Variants in TECPR2 observed in about 807,000 individuals in gnomAD.
TECPR2 encodes the protein tectonin beta-propeller repeat containing 2, also known as tectonin beta-propeller repeat-containing protein 2.
TECPR2 carries 65 observed loss-of-function variants against 138.1 expected under a neutral mutation model. The ratio of observed to expected loss-of-function variants is 0.47; its 90% CI spans 0.39 to 0.58. TECPR2 has a LOEUF of 0.58. Among genes scored for constraint, TECPR2 ranks in the 20% least tolerant of loss-of-function variants. TECPR2 has a pLI of 0.00. For synonymous variants in TECPR2, 746 were observed against 749.8 expected, an observed-to-expected ratio of 0.99 and a Z score of 0.08; for missense variants, 1,553 against 1,824.5, an observed-to-expected ratio of 0.85 and a Z score of 2.71.
At chr14:102,461,830 A>G (rs939618968) in intron 16 of TECPR2, among the ~76,000 whole-genome samples, 5 of 152,314 alleles carry the variant, frequency 3.3e-5, no homozygotes, top group South Asian at 4.1e-4. Flanking sequence ...TGAGGGAGCC[A>G]TGGAGTGCTT....
intron 5 of TECPR2, 45 bp downstream of exon 5, chr14:102,414,838 G>A: frequency 6.2e-7 from 1 of 1,604,800 alleles, no homozygotes. Context: ...GCTGGGCCTT[G>A]TTGTAGAAGG....
chr14:102,438,096 C>G lies in TECPR2; in HGVS notation c.2469C>G (p.Ile823Met). The change falls in exon 10 of 20, where the codon ATC (isoleucine) becomes ATG (methionine). Residue 823 changes from isoleucine (I) to methionine (M), a missense_variant. Physicochemically the swap from Ile to Met is conservative, Grantham distance 10 (BLOSUM62 1). Coordinates refer to ENST00000359520, the MANE Select transcript of TECPR2 (RefSeq NM_014844.5). ...GCTTGGTGGTCTCCGAGAAGTATAT[C>G]TGGTGCCTGGACTACAAAGGCGGCC... Reference protein sequence around the residue: ...ILSLVVSEKYIWCLDYKGGLF... With the variant: ...ILSLVVSEKYMWCLDYKGGLF... 1.2e-6 allele frequency: 2 copies of G among 1,614,160 alleles called. No individual in the cohort carries two copies. Among genetic ancestry groups the G allele is most frequent in the Non-Finnish European group, 8.5e-7 (1 of 1,180,024 alleles).
intron 17 of TECPR2, among the ~76,000 whole-genome samples, chr14:102,495,929 G>T (rs1891268402): frequency 6.6e-6 from 1 of 152,270 alleles, no homozygotes; most frequent in Admixed American, 6.5e-5. Context: ...CACTGCCTGA[G>T]GGCCCTGAGA....
intron 4 of TECPR2, among the ~76,000 whole-genome samples, chr14:102,409,552 G>A (rs551699189): frequency 6.6e-6 from 1 of 152,292 alleles, no homozygotes; most frequent in African/African-American, 2.4e-5. Flanking sequence ...GCCTGCCTCG[G>A]CCTTCCAAAG....
At position 102,432,085 on chromosome 14, in the gene TECPR2, G is replaced by A. The variant is rs1889512605; in HGVS notation, c.1374G>A (p.Val458=). The A allele has an allele frequency of 9.3e-6, 15 of 1,607,948 alleles. No individual in the cohort carries two copies. Among genetic ancestry groups the A allele is most frequent in the Non-Finnish European group, 1.3e-5 (15 of 1,176,816 alleles). The change falls in exon 8 of 20, where the codon GTG becomes GTA. Residue 458 remains valine (V), a synonymous_variant. Coordinates refer to ENST00000359520, the MANE Select transcript of TECPR2 (RefSeq NM_014844.5). ...SSEDFDQELV[V]KPIKVKRKKK... ...AGGACTTTGACCAGGAGCTTGTCGT[G>A]AAGCCTATCAAAGTGAAAAGGAAGA... is the stretch of plus-strand genomic sequence containing the variant.
chr14:102,448,441 A>C (rs1412914690), intron 13 of TECPR2, among the ~76,000 whole-genome samples: 4 of 152,166 alleles, frequency 2.6e-5, no homozygotes, highest in African/African-American at 9.7e-5. Context: ...GAGGTATATG[A>C]ATGCTTTTCA....
chr14:102,365,648 T>G (rs1286814929), intron 1 of TECPR2, among the ~76,000 whole-genome samples: 1 of 152,212 alleles, frequency 6.6e-6, no homozygotes, highest in African/African-American at 2.4e-5. Context: ...TGATTCAATT[T>G]TGATGAAATC....
intron 17 of TECPR2, among the ~76,000 whole-genome samples, chr14:102,483,987 A>AT: frequency 1.3e-5 from 1 of 77,302 alleles, no homozygotes; most frequent in East Asian, 4.3e-4. Context: ...AGTAGAGACA[A>AT]GGTTTCACCA....
chr14:102,435,912 C>T (rs1179009796), intron 9 of TECPR2, among the ~76,000 whole-genome samples: 1 of 152,206 alleles, frequency 6.6e-6, no homozygotes, highest in African/African-American at 2.4e-5. Flanking sequence ...CTGTGTCTTG[C>T]CCTGTCTCCT....
chr14:102,463,505 C>G (rs1032468573), intron 16 of TECPR2, among the ~76,000 whole-genome samples: 9 of 151,380 alleles, frequency 5.9e-5, no homozygotes, highest in African/African-American at 2.2e-4. Flanking sequence ...GCACTCCAGC[C>G]TGGGCAACAG....
Position 102,411,407 on chromosome 14 carries a change from G to A in TECPR2, c.480+2788G>A, listed in dbSNP as rs1047956561. Among the ~76,000 whole-genome samples the A allele has an allele frequency of 3.4e-4, 51 of 152,162 alleles. No individual in the cohort carries two copies. The East Asian group carries it at 8.7e-3, about 26-fold the overall frequency. On this transcript the variant is annotated intron_variant, in intron 4 of 19. Coordinates refer to ENST00000359520, the MANE Select transcript of TECPR2 (RefSeq NM_014844.5). ...AAAAGAAGTGAATATGCCCTGCCCC[G>A]CCTTAACTGATGACATTCCACCACA...
rs1305228383 is a variant in TECPR2 at position 102,456,134 on chromosome 14, T to C, written c.3640+3507T>C. Among the ~76,000 whole-genome samples, 4 of 152,144 alleles carry C rather than the reference T, an allele frequency of 2.6e-5. No individual in the cohort carries two copies. The East Asian group carries it at 7.7e-4, about 29-fold the overall frequency. On this transcript the variant is annotated intron_variant, in intron 16 of 19. Coordinates refer to ENST00000359520, the MANE Select transcript of TECPR2 (RefSeq NM_014844.5). ...GGATGCACGGGGCATCCCGTCTAAA[T>C]GTTGGCCATCTCCGGGCGGTGTGGT...
intron 17 of TECPR2, among the ~76,000 whole-genome samples, chr14:102,488,524 A>G (rs1036226652): frequency 2.0e-5 from 3 of 150,946 alleles, no homozygotes; most frequent in Non-Finnish European, 4.4e-5. Context: ...CTTTTTTTTT[A>G]GTAGAGACGA....
At chr14:102,446,561 C>G (rs1889985620) in intron 13 of TECPR2, among the ~76,000 whole-genome samples, 1 of 152,114 alleles carries the variant, frequency 6.6e-6, no homozygotes, top group African/African-American at 2.4e-5. Flanking sequence ...CACCACCACA[C>G]TCCAACCTGG....
At position 102,498,351 on chromosome 14, in the gene TECPR2, C is replaced by T. The variant is rs1414490687; in HGVS notation, c.*94C>T. 3.1e-5 allele frequency: 44 copies of T among 1,424,496 alleles called. No individual in the cohort carries two copies. Among genetic ancestry groups the T allele is most frequent in the Non-Finnish European group, 4.1e-5 (44 of 1,071,310 alleles). The allele number at this position is 1,424,496 out of a possible 1,614,324, so 88.2% of individuals were successfully genotyped here. On this transcript the variant is annotated 3_prime_UTR_variant, in exon 20 of 20. Transcript: ENST00000359520. ...CCCTGGTGGACGCGCTGCCTCAACA[C>T]TTGTCCAGACACCTCTGGCCAGGTT...
intron 2 of TECPR2, among the ~76,000 whole-genome samples, chr14:102,385,383 G>T (rs1311713736): frequency 6.6e-6 from 1 of 152,110 alleles, no homozygotes; most frequent in Non-Finnish European, 1.5e-5. Flanking sequence ...TTGGGGATCA[G>T]ACTTCAACAT....
chr14:102,425,389 G>C, intron 6 of TECPR2, 98 bp downstream of exon 6: 7 of 1,286,450 alleles, frequency 5.4e-6, no homozygotes, highest in Non-Finnish European at 7.3e-6. Flanking sequence ...GCTACCAGGA[G>C]CAGTATTGAC....
At chr14:102,490,173 A>G (rs2139796181) in intron 17 of TECPR2, among the ~76,000 whole-genome samples, 1 of 152,316 alleles carries the variant, frequency 6.6e-6, no homozygotes, top group East Asian at 1.9e-4. Context: ...CAAACAGTGG[A>G]ATTCCCTGCT....
At chr14:102,440,362 C>T in intron 10 of TECPR2, 74 bp from the exon 11 acceptor site, 1 of 1,550,712 alleles carries the variant, frequency 6.4e-7, no homozygotes, top group Non-Finnish European at 8.8e-7. Flanking sequence ...CCCTCAATGC[C>T]CAGCATGAAG....
Sources: allele counts gnomAD v4.1 joint callset (sites outside exome capture counted in the v4.1 genomes callset), GRCh38; gene constraint gnomAD v4.1.1; transcripts MANE v1.5; gene names NCBI Gene and HGNC (gene_info 2026-07-23, HGNC 2026-07-21).